Variants in LRRC8C observed in about 807,000 individuals in gnomAD.
The protein encoded by LRRC8C is leucine rich repeat containing 8 VRAC subunit C.
Under a neutral mutation model 55.3 loss-of-function variants are expected in LRRC8C, and 20 were observed. That is an observed-to-expected ratio of 0.36 (90% CI 0.25 to 0.53). The LOEUF is 0.53. Ranked by LOEUF, LRRC8C falls within the 20% of genes least tolerant of loss-of-function variation. The pLI is 0.92. For missense variants in LRRC8C, 659 were observed against 951.4 expected (o/e 0.69, Z 4.04); for synonymous variants, 376 against 360.7 (o/e 1.04, Z -0.48).
chr1:89,710,405 C>T (rs562092494), intron 2 of LRRC8C, among the ~76,000 whole-genome samples: 3 of 151,828 alleles, frequency 2.0e-5, no homozygotes, highest in East Asian at 3.9e-4. Context: ...GAAAACTTTT[C>T]TTTATATTTA....
upstream of LRRC8C, among the ~76,000 whole-genome samples, chr1:89,628,304 C>T (rs1656024938): frequency 1.3e-5 from 2 of 152,260 alleles, no homozygotes; most frequent in South Asian, 4.1e-4. Context: ...AAGAGAAAAG[C>T]ATAACAAATT....
At chr1:89,660,893 G>T (rs1363638752) in intron 1 of LRRC8C, among the ~76,000 whole-genome samples, 7 of 152,192 alleles carry the variant, frequency 4.6e-5, no homozygotes, top group African/African-American at 1.7e-4. Flanking sequence ...AATCTCTCAT[G>T]CAGCAGTTTA....
chr1:89,681,714 A>G (rs1235224047), intron 1 of LRRC8C, among the ~76,000 whole-genome samples: 1 of 152,152 alleles, frequency 6.6e-6, no homozygotes, highest in African/African-American at 2.4e-5. Context: ...TGCCCCCATG[A>G]TTTAATTACC....
rs546206316 is a variant in LRRC8C, at chr1:89,666,033, G to A, written c.-4-20437G>A. ...AGGCCAAACCCTATAGCCAAAGTGCGTAGTAGGCTATACCGTCTAGGATTG... is the reference window on the plus strand; with the variant it reads ...AGGCCAAACCCTATAGCCAAAGTGCATAGTAGGCTATACCGTCTAGGATTG... On this transcript the variant is annotated intron_variant, in intron 1 of 2. Coordinates refer to ENST00000370454, the MANE Select transcript of LRRC8C (RefSeq NM_032270.5). Among the ~76,000 whole-genome samples the A allele has an allele frequency of 8.5e-5, 13 of 152,280 alleles. No homozygotes were observed. In the South Asian group the frequency reaches 1.2e-3, roughly 15 times the overall value.
chr1:89,652,786 C>T (rs1487976405), intron 1 of LRRC8C, among the ~76,000 whole-genome samples: 2 of 151,828 alleles, frequency 1.3e-5, no homozygotes, highest in African/African-American at 4.8e-5. Flanking sequence ...GTTACGGGGT[C>T]GCAGTATCAC....
intron 2 of LRRC8C, among the ~76,000 whole-genome samples, chr1:89,703,436 G>A (rs764292535): frequency 6.6e-6 from 1 of 151,826 alleles, no homozygotes; most frequent in Non-Finnish European, 1.5e-5. Flanking sequence ...TTATTAAGGT[G>A]TATACTTCAA....
At chr1:89,647,059 A>G (rs1258201986) in intron 1 of LRRC8C, among the ~76,000 whole-genome samples, 2 of 152,182 alleles carry the variant, frequency 1.3e-5, no homozygotes, top group East Asian at 1.9e-4. Context: ...TTACCTGTTA[A>G]TTTATCTTTA....
At chr1:89,661,372 G>T in intron 1 of LRRC8C, 1 of 332,500 alleles carries the variant, frequency 3.0e-6, no homozygotes. Flanking sequence ...ATACAGTGCT[G>T]CTCCAGTACC....
At chr1:89,666,631 A>G (rs1054249522) in intron 1 of LRRC8C, among the ~76,000 whole-genome samples, 2 of 152,198 alleles carry the variant, frequency 1.3e-5, no homozygotes, top group African/African-American at 4.8e-5. Context: ...AGAGTAGTAC[A>G]AAAGAAATCT....
chr1:89,635,684 G>A (rs116260002), intron 1 of LRRC8C, among the ~76,000 whole-genome samples: 1,640 of 152,256 alleles, frequency 0.011, 34 homozygotes, highest in African/African-American at 0.037. Flanking sequence ...TCTGCCCAGC[G>A]TTTTCCATAT....
chr1:89,662,019 G>C (rs551774701), intron 1 of LRRC8C, among the ~76,000 whole-genome samples: 41 of 152,348 alleles, frequency 2.7e-4, no homozygotes, highest in African/African-American at 8.4e-4. Flanking sequence ...TGCAAAAGCA[G>C]GAGTGAACCT....
chr1:89,678,622 C>G (rs958923342), intron 1 of LRRC8C, among the ~76,000 whole-genome samples: 2 of 151,370 alleles, frequency 1.3e-5, no homozygotes, highest in Non-Finnish European at 2.9e-5. Context: ...ATCGCATGAA[C>G]CTGGGAGGCA....
intron 1 of LRRC8C, among the ~76,000 whole-genome samples, chr1:89,657,250 G>T (rs1034465394): frequency 6.6e-6 from 1 of 152,104 alleles, no homozygotes; most frequent in African/African-American, 2.4e-5. Flanking sequence ...TATTGCCTTG[G>T]ACTAAGGACT....
At chr1:89,691,022 G>T (rs1442594183) in intron 2 of LRRC8C, among the ~76,000 whole-genome samples, 3 of 152,190 alleles carry the variant, frequency 2.0e-5, no homozygotes, top group Non-Finnish European at 4.4e-5. Context: ...TATGAAGGCT[G>T]CAGGGCACAG....
chr1:89,711,437 A>G (rs1557669800), intron 2 of LRRC8C, among the ~76,000 whole-genome samples: 1 of 152,236 alleles, frequency 6.6e-6, no homozygotes, highest in African/African-American at 2.4e-5. Context: ...GAATCACTAA[A>G]CATTGTGGAT....
intron 2 of LRRC8C, among the ~76,000 whole-genome samples, chr1:89,711,352 A>G (rs1658643139): frequency 6.6e-6 from 1 of 152,216 alleles, no homozygotes; most frequent in African/African-American, 2.4e-5. Flanking sequence ...CCACTTTACA[A>G]CGGGTTCAGT....
chr1:89,717,788 C>T lies in LRRC8C; in HGVS notation c.*2806C>T, dbSNP rs1373862268. ...CTGTATAGAGGGATATTTATCTAAC[C>T]ACTTTCCGTATTTTACAAGTGCTCT... is the stretch of plus-strand genomic sequence containing the variant. On this transcript the variant is annotated 3_prime_UTR_variant, in exon 3 of 3. Coordinates refer to ENST00000370454, the MANE Select transcript of LRRC8C (RefSeq NM_032270.5). 2 of 152,122 alleles carry T rather than the reference C, an allele frequency of 1.3e-5. No individual in the cohort carries two copies. The highest frequency in any genetic ancestry group is 2.9e-5 in the Non-Finnish European group (2 of 68,004). 9.4% of individuals were successfully genotyped at this position (152,122 alleles called of 1,614,324 possible).
At chr1:89,682,854 G>A (rs72961878) in intron 1 of LRRC8C, among the ~76,000 whole-genome samples, 1 of 152,168 alleles carries the variant, frequency 6.6e-6, no homozygotes, top group Non-Finnish European at 1.5e-5. Context: ...TGTCTGAAGA[G>A]AAAGCTCTTG....
Position 89,713,400 on chromosome 1 carries a change from T to C in LRRC8C, c.830T>C (p.Ile277Thr), listed in dbSNP as rs754596533. 1.2e-6 allele frequency: 2 copies of C among 1,614,234 alleles called. No homozygotes were observed. The highest frequency in any genetic ancestry group is 1.7e-6 in the Non-Finnish European group (2 of 1,180,042). ...VLKVIKFLII[I>T]AYNSALVSKV... ...AAAGTTATCAAATTCCTAATCATCA[T>C]TGCATATAATAGTGCTCTGGTTTCC... The change falls in exon 3 of 3, where the codon ATT becomes ACT. Residue 277 changes from isoleucine (I) to threonine (T), a missense_variant. This residue lies in a region of LRRC8C where 200 missense variants were observed against 360.5 expected (regional missense o/e 0.55). Transcript: ENST00000370454. The surrounding 1 kb of genome is among the most constrained non-coding windows in gnomAD (Gnocchi z 5.2).
Sources: gnomAD v4.1 joint callset for allele counts (sites outside exome capture counted in the v4.1 genomes callset) on GRCh38, gnomAD v4.1.1 for gene constraint, gnomAD v4.1.1 regional missense constraint, Gnocchi (gnomAD v3.1) non-coding constraint, MANE v1.5 for transcripts, NCBI Gene and HGNC (gene_info 2026-07-23, HGNC 2026-07-21) for gene names.